The following GPAT2 variants were observed in gnomAD, a reference collection of about 807,000 sequenced individuals.
GPAT2 encodes glycerol-3-phosphate acyltransferase 2, mitochondrial, also known as 1-acylglycerol-3-phosphate O-acyltransferase GPAT2.
In GPAT2, 51 loss-of-function variants were observed where a neutral mutation model predicts 71.0. The observed-to-expected ratio is 0.72, with a 90% confidence interval of 0.57 to 0.91. The LOEUF is 0.91. Ranked by LOEUF, GPAT2 falls within the 40% of genes least tolerant of loss-of-function variation. The pLI is 0.00. For synonymous variants in GPAT2, 222 were observed against 290.3 expected, an observed-to-expected ratio of 0.76 and a Z score of 2.39; for missense variants, 511 against 666.0, an observed-to-expected ratio of 0.77 and a Z score of 2.56.
At position 96,024,224 on chromosome 2, in the gene GPAT2, T is replaced by C. The variant is rs1281946575; in HGVS notation, c.1801A>G (p.Met601Val). ...NELYRQILLL[M>V]HLLPQDLLLL... ...AGCAGGTCTTGCGGCAGCAGGTGCA[T>C]CAGCAGCAGGATCTGGCGGTACAGC... The change falls in exon 16 of 22, where the codon ATG becomes GTG. Residue 601 changes from methionine (M) to valine (V), a missense_variant. Physicochemically the swap from Met to Val is conservative, Grantham distance 21 (BLOSUM62 1). Transcript: ENST00000434632. The C allele has an allele frequency of 6.5e-7, 1 of 1,542,760 alleles. No homozygotes were observed. Among genetic ancestry groups the C allele is most frequent in the African/African-American group, 1.4e-5 (1 of 73,216 alleles).
chr2:96,025,131 C>T (rs1680258354), intron 13 of GPAT2: 14 of 584,634 alleles, frequency 2.4e-5, no homozygotes, highest in South Asian at 2.0e-4. Context: ...TCTGTGGAGG[C>T]GCTGTGCTAA....
chr2:96,024,083 CCTA>C, intron 16 of GPAT2, 83 bp from the exon 17 acceptor site: 1 of 1,597,306 alleles, frequency 6.3e-7, no homozygotes, highest in Non-Finnish European at 8.5e-7. Context: ...CAAGGCCACA[CCTA>C]CTACCCAGGA....
In GPAT2 at chr2:96,023,042, C is replaced by T. The variant is rs755472835; in HGVS notation, c.2168-19G>A. ...CCCAACTCTGCAGAAGAGAGAAGAC[C>T]TAGACCTGGCACCCAGCACAGACAC... On this transcript the variant is annotated intron_variant, in intron 19 of 21. Coordinates refer to ENST00000434632, the MANE Select transcript of GPAT2 (RefSeq NM_001321527.2). 9.5e-5 allele frequency: 153 copies of T among 1,613,890 alleles called. No homozygotes were observed. The highest frequency in any genetic ancestry group is 1.2e-4 in the Non-Finnish European group (141 of 1,179,864).
In GPAT2 at chr2:96,023,396, C is replaced by CA. The variant is rs762029787; in HGVS notation, c.1958dup (p.Leu653PhefsTer15). 1.2e-6 allele frequency: 2 copies of CA among 1,614,034 alleles called. No individual in the cohort carries two copies. The highest frequency in any genetic ancestry group is 2.7e-5 in the African/African-American group (2 of 74,948). ...TCGGTTTCCACAGCAGCTTTCTGCT[C>CA]AATCGCTGTCGCCCTGTGTCACAGG... On this transcript the variant is annotated frameshift_variant, in exon 18 of 22. Coordinates refer to ENST00000434632, the MANE Select transcript of GPAT2 (RefSeq NM_001321527.2). LOFTEE classifies it high-confidence loss of function.
chr2:96,024,444 A>C lies in GPAT2; in HGVS notation c.1670T>G (p.Leu557Arg). 6.2e-7 allele frequency: 1 copy of C among 1,613,836 alleles called. No homozygotes were observed. The highest frequency in any genetic ancestry group is 1.3e-5 in the African/African-American group (1 of 75,016). Residue 557 changes from leucine (L) to arginine (R), a missense_variant, in exon 15 of 22, where the codon CTG becomes CGG. Coordinates refer to ENST00000434632, the MANE Select transcript of GPAT2 (RefSeq NM_001321527.2). ...QLSAELLPVF[L>R]SEAVGACAVR... ...AGACTCACCGCCCACAGCCTCGCTC[A>C]GGAAGACGGGCAGCAGCTCAGCACT...
chr2:96,022,855 A>C, intron 20 of GPAT2, 103 bp downstream of exon 20: 1 of 1,612,076 alleles, frequency 6.2e-7, no homozygotes, highest in East Asian at 2.2e-5. Context: ...TGTACTCTGC[A>C]GCCTGCCTTC....
intron 20 of GPAT2, 75 bp from the exon 21 acceptor site, chr2:96,022,798 G>T: frequency 6.2e-7 from 1 of 1,613,834 alleles, no homozygotes; most frequent in Non-Finnish European, 8.5e-7. Flanking sequence ...CTCTCCTCTT[G>T]TTTAAAGAAG....
rs760355292 is a variant in GPAT2, at chr2:96,024,738, C to A, written c.1428+35G>T. On this transcript the variant is annotated intron_variant, in intron 14 of 21. Transcript: ENST00000434632. The stretch of plus-strand genomic sequence containing the variant: ...CAGGGCCACACATCGCCACCCCCCC[C>A]ACCGCCCAGGTCCCCACCACATTGC... 17 of 1,613,740 alleles carry A rather than the reference C, an allele frequency of 1.1e-5. No homozygotes were observed. The Admixed American group carries it at 1.7e-4, about 16-fold the overall frequency.
rs776154460 is a variant in GPAT2 at position 96,024,741 on chromosome 2, C to T, written c.1428+32G>A. 157 of 1,613,814 alleles carry T rather than the reference C, an allele frequency of 9.7e-5. 1 individual carries two copies. The highest frequency in any genetic ancestry group is 2.7e-5 in the African/African-American group (2 of 74,890). On this transcript the variant is annotated intron_variant, in intron 14 of 21. Coordinates refer to ENST00000434632, the MANE Select transcript of GPAT2 (RefSeq NM_001321527.2). ...GGCCACACATCGCCACCCCCCCCAC[C>T]GCCCAGGTCCCCACCACATTGCACC...
intron 21 of GPAT2, 86 bp from the exon 22 acceptor site, chr2:96,022,361 CCTGCCTTGA>C: frequency 6.9e-7 from 1 of 1,443,740 alleles, no homozygotes; most frequent in Non-Finnish European, 9.2e-7. Flanking sequence ...CCCCCAGAAA[CCTGCCTTGA>C]GACCTCTGGC....
At chr2:96,023,729 G>C (rs531087381) in intron 17 of GPAT2, 194 bp downstream of exon 17, 1 of 1,104,488 alleles carries the variant, frequency 9.1e-7, no homozygotes, top group Admixed American at 2.8e-5. Flanking sequence ...ACAGAACCGG[G>C]GCATAGGTGG....
chr2:96,034,054 TACAC>T (rs1292120936), intron 1 of GPAT2, among the ~76,000 whole-genome samples: 1 of 150,888 alleles, frequency 6.6e-6, no homozygotes, highest in Non-Finnish European at 1.5e-5. Context: ...TATACATATA[TACAC>T]ACACATATAT....
At position 96,024,188 on chromosome 2, in the gene GPAT2, C is replaced by A. The variant is rs565346627; in HGVS notation, c.1836+1G>T. On this transcript the variant is annotated splice_donor_variant, in intron 16 of 21. Transcript: ENST00000434632. LOFTEE classifies it high-confidence loss of function. ...CAAGTGGGCCGTAGGGGAGGCCTGACCTTTAGCAGCAGCAGGTCTTGCGGC... is the reference window on the plus strand; with the variant it reads ...CAAGTGGGCCGTAGGGGAGGCCTGAACTTTAGCAGCAGCAGGTCTTGCGGC... 6.6e-7 allele frequency: 1 copy of A among 1,521,294 alleles called. No homozygotes were observed. The highest frequency in any genetic ancestry group is 8.8e-7 in the Non-Finnish European group (1 of 1,131,814). The allele number at this position is 1,521,294 out of a possible 1,614,324, so 94.2% of individuals were successfully genotyped here. A position where few individuals can be genotyped will look rare whatever the true frequency, so the allele number is the denominator to read the frequency against.
At chr2:96,033,807 AAATCT>A (rs1382510701) in intron 1 of GPAT2, among the ~76,000 whole-genome samples, 1 of 124,036 alleles carries the variant, frequency 8.1e-6, no homozygotes, top group Non-Finnish European at 1.7e-5. Context: ...CCCAACCCCC[AAATCT>A]AACCCCATTA....
Position 96,023,883 on chromosome 2 carries a change from G to A in GPAT2, c.1914+40C>T, listed in dbSNP as rs1336924694. 4 of 1,550,342 alleles carry A rather than the reference G, an allele frequency of 2.6e-6. No homozygotes were observed. The South Asian group carries it at 3.6e-5, about 14-fold the overall frequency. On this transcript the variant is annotated intron_variant, in intron 17 of 21. Coordinates refer to ENST00000434632, the MANE Select transcript of GPAT2 (RefSeq NM_001321527.2). ...CAGGGTGGGAGGCTGGAGGAGGCCA[G>A]GCTCCAGGCAAGGATCTTGTCTCCA...
intron 13 of GPAT2, 123 bp from the exon 14 acceptor site, chr2:96,024,966 A>G (rs573154817): frequency 4.8e-5 from 54 of 1,119,240 alleles, no homozygotes; most frequent in East Asian, 4.5e-4. Flanking sequence ...AGGAACGTAC[A>G]CCCGGAGCAG....
At chr2:96,025,810 G>C (rs1680335512) in intron 12 of GPAT2, 120 bp downstream of exon 12, 12 of 1,225,292 alleles carry the variant, frequency 9.8e-6, no homozygotes, top group Non-Finnish European at 2.4e-6. Context: ...AACTATTCTA[G>C]ATGACCCCAG....
chr2:96,025,143 C>T, intron 13 of GPAT2: 1 of 579,444 alleles, frequency 1.7e-6, no homozygotes, highest in African/African-American at 1.9e-5. Context: ...CTGTGCTAAG[C>T]CCCTTACACG....
chr2:96,032,190 G>A, intron 2 of GPAT2, 44 bp from the exon 3 acceptor site: 2 of 1,522,572 alleles, frequency 1.3e-6, no homozygotes, highest in South Asian at 2.3e-5. Flanking sequence ...CAAAGTCCTT[G>A]GCAGGAGAGA....
Sources: gnomAD v4.1 joint callset for allele counts (sites outside exome capture counted in the v4.1 genomes callset) on GRCh38, gnomAD v4.1.1 for gene constraint, MANE v1.5 for transcripts, NCBI Gene and HGNC (gene_info 2026-07-23, HGNC 2026-07-21) for gene names.